Variants in STARD9 observed in about 807,000 individuals in gnomAD.
STARD9 encodes StAR related lipid transfer domain containing 9.
STARD9 carries 346 observed loss-of-function variants against 399.8 expected under a neutral mutation model. That is an observed-to-expected ratio of 0.87 (90% confidence interval 0.79 to 0.95). STARD9 has a LOEUF of 0.95. Ranked by LOEUF, STARD9 falls within the 40% of genes least tolerant of loss-of-function variation. STARD9 has a pLI of 0.00. For synonymous variants in STARD9, 2,203 were observed against 2,143.5 expected, an observed-to-expected ratio of 1.03 and a Z score of -0.77; for missense variants, 5,832 against 5,667.5, an observed-to-expected ratio of 1.03 and a Z score of -0.93.
In STARD9 at chr15:42,681,514, A is replaced by T; in HGVS notation, c.1967A>T (p.Tyr656Phe). The change falls in exon 21 of 33, where the codon TAC becomes TTC. Residue 656 changes from tyrosine to phenylalanine, a missense_variant. This residue lies in a region of STARD9 where 5,828 missense variants were observed against 5,651.1 expected (regional missense o/e 1.03). Coordinates refer to ENST00000290607, the MANE Select transcript of STARD9 (RefSeq NM_020759.3). ...HRAQIQQQQS[Y>F]VEDLRHQILA... ...GCCCAGATTCAGCAGCAGCAGAGCT[A>T]CGTAGAGGATTTGAGGCATCAAATC... 1 of 1,537,224 alleles carries T rather than the reference A, an allele frequency of 6.5e-7. No individual in the cohort carries two copies. The highest frequency in any genetic ancestry group is 8.7e-7 in the Non-Finnish European group (1 of 1,146,880).
chr15:42,605,631 AATAACTTT>A (rs1321238522), intron 3 of STARD9, among the ~76,000 whole-genome samples: 1 of 152,174 alleles, frequency 6.6e-6, no homozygotes, highest in Non-Finnish European at 1.5e-5. Context: ...TCCCTTTGTC[AATAACTTT>A]ATTTCCCAAT....
chr15:42,653,868 T>A (rs2059812064), intron 9 of STARD9, among the ~76,000 whole-genome samples: 1 of 152,164 alleles, frequency 6.6e-6, no homozygotes, highest in Non-Finnish European at 1.5e-5. Context: ...AGAATAAGAT[T>A]ACATAAAACC....
At chr15:42,637,362 G>A (rs192212691) in intron 4 of STARD9, among the ~76,000 whole-genome samples, 102 of 152,128 alleles carry the variant, frequency 6.7e-4, no homozygotes, top group Admixed American at 2.4e-3. Context: ...ATAGGCACAC[G>A]CCACCATGCC....
chr15:42,695,946 C>T (rs2060837920), intron 26 of STARD9, 66 bp downstream of exon 26: 28 of 1,474,922 alleles, frequency 1.9e-5, no homozygotes, highest in Non-Finnish European at 2.1e-5. Flanking sequence ...TTGAGCAGGA[C>T]GCTGTGCCTC....
At chr15:42,584,380 C>G (rs751216502) in intron 2 of STARD9, among the ~76,000 whole-genome samples, 1 of 152,176 alleles carries the variant, frequency 6.6e-6, no homozygotes, top group Admixed American at 6.5e-5. Flanking sequence ...ATATTGCTGT[C>G]GCCTAATCAC....
chr15:42,671,048 G>A (rs1366313199), intron 16 of STARD9: 1 of 151,826 alleles, frequency 6.6e-6, no homozygotes, highest in Admixed American at 6.6e-5. Context: ...TCGCAGCAGA[G>A]GGTTAAAGGA....
chr15:42,673,334 G>A (rs1411111489), intron 16 of STARD9, among the ~76,000 whole-genome samples: 4 of 152,000 alleles, frequency 2.6e-5, no homozygotes, highest in Admixed American at 6.6e-5. Context: ...CCTGGGAGGC[G>A]AAGGTTGCAG....
At chr15:42,593,895 C>T (rs2058452531) in intron 3 of STARD9, among the ~76,000 whole-genome samples, 1 of 151,762 alleles carries the variant, frequency 6.6e-6, no homozygotes, top group Admixed American at 6.6e-5. Flanking sequence ...GTCTTGATCT[C>T]CTGACCTCAT....
chr15:42,580,268 A>G (rs775983117), intron 1 of STARD9, among the ~76,000 whole-genome samples: 1 of 152,228 alleles, frequency 6.6e-6, no homozygotes, highest in Non-Finnish European at 1.5e-5. Flanking sequence ...AAATACCTCA[A>G]GGTAAAAGGA....
Position 42,694,536 on chromosome 15 carries a change from AG to A in STARD9, c.12775del (p.Ala4259ProfsTer28). On this transcript the variant is annotated frameshift_variant, in exon 24 of 33. Coordinates refer to ENST00000290607, the MANE Select transcript of STARD9 (RefSeq NM_020759.3). LOFTEE classifies it high-confidence loss of function. ...TWKELYARQK[K>X]AIETLRRERA... ...ATCGTGTTTTGCCTCAGGCAAAAAA[AG>A]GCCATTGAGACCCTCAGGAGAGAGC... 6.5e-7 allele frequency: 1 copy of A among 1,537,180 alleles called. No homozygotes were observed. Among genetic ancestry groups the A allele is most frequent in the Non-Finnish European group, 8.7e-7 (1 of 1,146,886 alleles).
chr15:42,676,754 A>G (rs1212326640), intron 20 of STARD9, among the ~76,000 whole-genome samples: 1 of 152,184 alleles, frequency 6.6e-6, no homozygotes, highest in Non-Finnish European at 1.5e-5. Context: ...AGAAAATTTC[A>G]GCAGGGGACT....
chr15:42,712,788 G>A (rs992954092), intron 26 of STARD9, among the ~76,000 whole-genome samples: 1 of 152,110 alleles, frequency 6.6e-6, no homozygotes, highest in African/African-American at 2.4e-5. Context: ...CACCTCAGCC[G>A]CCCAAAGTGC....
intron 16 of STARD9, 84 bp from the exon 17 acceptor site, chr15:42,674,352 CAGTG>C (rs1289960670): frequency 5.7e-6 from 6 of 1,044,846 alleles, no homozygotes; most frequent in South Asian, 4.2e-5. Flanking sequence ...GCTGGGAAGA[CAGTG>C]AGAATATTCT....
At chr15:42,620,216 C>CA (rs1160727563) in intron 3 of STARD9, among the ~76,000 whole-genome samples, 2 of 152,062 alleles carry the variant, frequency 1.3e-5, no homozygotes, top group Non-Finnish European at 2.9e-5. Context: ...CCAACTTGAG[C>CA]ATTGCAACCT....
intron 26 of STARD9, among the ~76,000 whole-genome samples, chr15:42,705,813 C>T (rs991885444): frequency 2.5e-4 from 38 of 152,072 alleles, no homozygotes; most frequent in African/African-American, 8.7e-4. Context: ...AGTGCAGGGG[C>T]GTGATCTCAG....
chr15:42,616,344 T>C (rs1415599885), intron 3 of STARD9, among the ~76,000 whole-genome samples: 1 of 152,222 alleles, frequency 6.6e-6, no homozygotes, highest in African/African-American at 2.4e-5. Flanking sequence ...AAGACTGTTA[T>C]TCAGAAATAC....
chr15:42,712,118 A>ATATTATATATTATATATAATATAT (rs1181197875), intron 26 of STARD9, among the ~76,000 whole-genome samples: 1 of 43,858 alleles, frequency 2.3e-5, no homozygotes, highest in African/African-American at 4.1e-4. Context: ...TATAATATAT[A>ATATTATATATTATATATAATATAT]ATATATATAT....
chr15:42,687,465 GC>G lies in STARD9; in HGVS notation c.5890del (p.Gln1964ArgfsTer45). On this transcript the variant is annotated frameshift_variant, in exon 23 of 33. Transcript: ENST00000290607. LOFTEE classifies it high-confidence loss of function. ...TAGAGTAAGCAGCCCAGTGATGGTG[GC>G]CCAGGGTGGTGGCCCAACCCCTAAG... Reference protein sequence around the residue: ...DRRVSSPVMVAQGGGPTPKWE... With the variant: ...DRRVSSPVMVXQGGGPTPKWE... 6.5e-7 allele frequency: 1 copy of G among 1,537,144 alleles called. No homozygotes were observed. The highest frequency in any genetic ancestry group is 8.7e-7 in the Non-Finnish European group (1 of 1,146,914).
chr15:42,714,682 G>T (rs1037800025), intron 26 of STARD9, among the ~76,000 whole-genome samples: 2 of 152,102 alleles, frequency 1.3e-5, no homozygotes, highest in Admixed American at 1.3e-4. Context: ...TGGACTCAAG[G>T]GATTCTCCCG....
Sources: gnomAD v4.1 joint callset for allele counts (sites outside exome capture counted in the v4.1 genomes callset) on GRCh38, gnomAD v4.1.1 for gene constraint, gnomAD v4.1.1 regional missense constraint, MANE v1.5 for transcripts, NCBI Gene and HGNC (gene_info 2026-07-23, HGNC 2026-07-21) for gene names.